Variants in TG observed in about 807,000 individuals in gnomAD.
TG encodes the protein thyroid hormones.
Under a neutral mutation model 324.7 loss-of-function variants are expected in TG, and 270 were observed. That is an observed-to-expected ratio of 0.83 (90% CI 0.75 to 0.92). The LOEUF (loss-of-function observed/expected upper bound fraction) is 0.92. Ranked by LOEUF, TG falls within the 40% of genes least tolerant of loss-of-function variation. The probability of loss-of-function intolerance (pLI) is 0.00; values close to 1 mark genes in which losing one functional copy is unlikely to be tolerated. For missense variants in TG, 3,591 were observed against 3,456.4 expected (o/e 1.04, Z -0.98); for synonymous variants, 1,401 against 1,327.0 (o/e 1.06, Z -1.21).
At chr8:133,065,982 A>C (rs1587961910) in intron 41 of TG, among the ~76,000 whole-genome samples, 1 of 152,092 alleles carries the variant, frequency 6.6e-6, no homozygotes, top group South Asian at 2.1e-4. Context: ...GAAACAAGAG[A>C]GCGAGGCCAG....
At chr8:133,019,547 T>G in intron 38 of TG, 55 bp from the exon 39 acceptor site, 1 of 1,467,636 alleles carries the variant, frequency 6.8e-7, no homozygotes, top group South Asian at 1.1e-5. Flanking sequence ...TGGTGGTGGG[T>G]GGGGAGGGGT....
intron 35 of TG, chr8:132,983,795 C>G (rs936772652): frequency 2.8e-6 from 1 of 355,590 alleles, no homozygotes; most frequent in Non-Finnish European, 5.4e-6. Context: ...GAAGTCAGCT[C>G]CTTATTAGTG....
At chr8:133,108,360 A>G (rs553515658) in intron 43 of TG, among the ~76,000 whole-genome samples, 2 of 152,284 alleles carry the variant, frequency 1.3e-5, no homozygotes, top group Admixed American at 6.5e-5. Context: ...CAGTGGGGAC[A>G]AAGCTCTGCT....
At chr8:133,098,412 G>A (rs1848755902) in intron 43 of TG, among the ~76,000 whole-genome samples, 1 of 152,202 alleles carries the variant, frequency 6.6e-6, no homozygotes. Context: ...CCTAAACACT[G>A]TCCGCCCTGG....
chr8:132,899,888 A>T (rs1817668487), intron 14 of TG, among the ~76,000 whole-genome samples: 2 of 152,206 alleles, frequency 1.3e-5, no homozygotes. Context: ...GTCCAGGAGC[A>T]TGGCTAGGCT....
intron 40 of TG, among the ~76,000 whole-genome samples, chr8:133,026,381 C>T (rs1238986956): frequency 6.6e-6 from 1 of 152,178 alleles, no homozygotes; most frequent in African/African-American, 2.4e-5. Flanking sequence ...AAGCCCAGCC[C>T]AGTGTTTAAA....
At chr8:133,015,503 G>A (rs574860758) in intron 37 of TG, among the ~76,000 whole-genome samples, 1 of 152,304 alleles carries the variant, frequency 6.6e-6, no homozygotes, top group African/African-American at 2.4e-5. Context: ...CATTTTCCCC[G>A]TGTTTGATCT....
chr8:133,069,306 G>T (rs771344359), intron 41 of TG, among the ~76,000 whole-genome samples: 26 of 152,190 alleles, frequency 1.7e-4, no homozygotes, highest in Non-Finnish European at 2.9e-4. Flanking sequence ...AGCAAGATGG[G>T]AATCAGCATT....
chr8:132,874,145 C>T (rs924171102), intron 5 of TG, among the ~76,000 whole-genome samples: 1 of 151,922 alleles, frequency 6.6e-6, no homozygotes, highest in African/African-American at 2.4e-5. Flanking sequence ...GCACTCTAGC[C>T]TAGGTGACAG....
intron 41 of TG, among the ~76,000 whole-genome samples, chr8:133,055,345 GGACACACA>G (rs1841181008): frequency 7.2e-6 from 1 of 139,232 alleles, no homozygotes; most frequent in Non-Finnish European, 1.6e-5. Context: ...GTCATCTTCA[GGACACACA>G]CACGCACGCG....
chr8:133,101,288 A>G (rs1849220358), intron 43 of TG, among the ~76,000 whole-genome samples: 1 of 152,180 alleles, frequency 6.6e-6, no homozygotes, highest in Non-Finnish European at 1.5e-5. Context: ...CACCCTCCCA[A>G]CAGTGAGGAA....
chr8:132,982,712 T>C (rs1036518172), intron 34 of TG, among the ~76,000 whole-genome samples: 4 of 152,216 alleles, frequency 2.6e-5, no homozygotes, highest in African/African-American at 9.6e-5. Context: ...TTATCTCCTG[T>C]AATTTTGTCA....
At chr8:133,107,982 CTT>C (rs377363035) in intron 43 of TG, among the ~76,000 whole-genome samples, 10 of 134,090 alleles carry the variant, frequency 7.5e-5, no homozygotes, top group Admixed American at 1.5e-4. Context: ...TTCTTTTCTT[CTT>C]TTTTTTTTTT....
intron 41 of TG, chr8:133,094,812 A>C (rs1848163961): frequency 1.6e-6 from 1 of 609,422 alleles, no homozygotes; most frequent in African/African-American, 1.8e-5. Context: ...CAGCACCCTC[A>C]CTTCACAGGT....
chr8:132,867,851 T>C (rs1462742533), intron 1 of TG, among the ~76,000 whole-genome samples: 1 of 151,960 alleles, frequency 6.6e-6, no homozygotes, highest in East Asian at 1.9e-4. Context: ...TTACGTGACT[T>C]TGGGCAGACG....
At chr8:132,902,337 G>A (rs1189147107) in intron 16 of TG, among the ~76,000 whole-genome samples, 5 of 152,096 alleles carry the variant, frequency 3.3e-5, no homozygotes, top group African/African-American at 4.8e-5. Context: ...GGAACTGCAG[G>A]GAAATTTAAT....
chr8:133,001,678 G>GGA (rs1833517280), intron 35 of TG: 1 of 894,098 alleles, frequency 1.1e-6, no homozygotes. Flanking sequence ...ATGACGACAG[G>GGA]GAGACGTGAG....
intron 10 of TG, among the ~76,000 whole-genome samples, chr8:132,889,650 A>C (rs1037613082): frequency 6.6e-6 from 1 of 152,336 alleles, no homozygotes; most frequent in South Asian, 2.1e-4. Context: ...ATCATTCTCC[A>C]TACCAGTGGT....
intron 35 of TG, among the ~76,000 whole-genome samples, chr8:132,989,913 C>G (rs1832094485): frequency 6.6e-6 from 1 of 152,100 alleles, no homozygotes; most frequent in African/African-American, 2.4e-5. Flanking sequence ...TTCACAGCCT[C>G]TTGATGCCCC....
Sources: allele counts gnomAD v4.1 joint callset (sites outside exome capture counted in the v4.1 genomes callset), GRCh38; gene constraint gnomAD v4.1.1; transcripts MANE v1.5; gene names NCBI Gene and HGNC (gene_info 2026-07-23, HGNC 2026-07-21).